The following PPP2R2B variants were observed in gnomAD, a reference collection of about 807,000 sequenced individuals.
PPP2R2B encodes the protein protein phosphatase 2 regulatory subunit Bbeta, also known as serine/threonine-protein phosphatase 2A 55 kDa regulatory subunit B beta isoform.
A neutral mutation model predicts 46.0 loss-of-function variants in PPP2R2B; 5 were observed. The ratio of observed to expected loss-of-function variants is 0.11; its 90% confidence interval spans 0.06 to 0.23. The LOEUF is 0.23. Ranked by LOEUF, PPP2R2B falls within the 10% of genes least tolerant of loss-of-function variation. The pLI, the probability that PPP2R2B is intolerant of heterozygous loss-of-function variation, is 1.00. For missense variants in PPP2R2B, 367 were observed against 575.0 expected (o/e 0.64, Z 3.70); for synonymous variants, 215 against 206.7 (o/e 1.04, Z -0.34).
intron 1 of PPP2R2B, among the ~76,000 whole-genome samples, chr5:147,014,801 G>T (rs1468354462): frequency 1.3e-5 from 2 of 151,862 alleles, no homozygotes. Context: ...GAGTTAGTGG[G>T]TGCAGTGCAC....
chr5:146,646,729 A>G lies in PPP2R2B; in HGVS notation c.625+3818T>C, dbSNP rs149865064. On this transcript the variant is annotated intron_variant, in intron 6 of 9. Transcript: ENST00000394411. ...CCAGATAATAAAATTAGCAGAATAA[A>G]AGCTACCATTCTAATGTTCAACTTT... is the stretch of plus-strand genomic sequence containing the variant. 6.3e-3 allele frequency among the ~76,000 whole-genome samples: 965 copies of G among 152,306 alleles called. 22 individuals carry two copies. The highest frequency in any genetic ancestry group is 0.041 in the Admixed American group (630 of 15,292).
At chr5:146,628,144 CT>C (rs1317001370) in intron 7 of PPP2R2B, among the ~76,000 whole-genome samples, 5 of 152,204 alleles carry the variant, frequency 3.3e-5, no homozygotes, top group African/African-American at 1.2e-4. Context: ...AGGGTTTCAC[CT>C]TGTTGGCCAG....
chr5:146,892,854 G>A (rs970364712), intron 1 of PPP2R2B, among the ~76,000 whole-genome samples: 2 of 152,256 alleles, frequency 1.3e-5, no homozygotes, highest in African/African-American at 2.4e-5. Context: ...ATTAATTTGT[G>A]CATATTTACA....
intron 1 of PPP2R2B, among the ~76,000 whole-genome samples, chr5:146,922,024 A>G (rs1308422167): frequency 6.6e-6 from 1 of 152,190 alleles, no homozygotes; most frequent in Non-Finnish European, 1.5e-5. Context: ...AGGCTGAGTG[A>G]CAGAACTGGG....
intron 5 of PPP2R2B, among the ~76,000 whole-genome samples, chr5:146,673,972 A>G (rs79595513): frequency 0.12 from 17,645 of 152,222 alleles, 1,288 homozygotes; most frequent in African/African-American, 0.2. Flanking sequence ...TGAGGTCAGT[A>G]TGTCTTAGGC....
rs7705014 is a variant in PPP2R2B at position 146,991,483 on chromosome 5, G to A, written c.79+64182C>T. On this transcript the variant is annotated intron_variant, in intron 1 of 8. Coordinates refer to the PPP2R2B transcript ENST00000336640. Reference sequence around the variant, plus strand: ...AATAGGTACAACATTACATTAGGCAGAAATAATAAGTTCTGGTCATATATT... The same window carrying A: ...AATAGGTACAACATTACATTAGGCAAAAATAATAAGTTCTGGTCATATATT... Among the ~76,000 whole-genome samples, 1,161 of 152,226 alleles carry A rather than the reference G, an allele frequency of 7.6e-3. 14 individuals carry two copies. The highest frequency in any genetic ancestry group is 0.024 in the African/African-American group (1,009 of 41,548).
At chr5:147,060,087 T>G (rs1757212805), upstream of PPP2R2B, among the ~76,000 whole-genome samples, 1 of 152,158 alleles carries the variant, frequency 6.6e-6, no homozygotes, top group Non-Finnish European at 1.5e-5. Flanking sequence ...CCTGCCCAGG[T>G]TTTTACTTTT....
upstream of PPP2R2B, chr5:146,878,761 G>GCTGC (rs1178906277): frequency 7.5e-7 from 1 of 1,328,214 alleles, no homozygotes; most frequent in Non-Finnish European, 9.9e-7. The surrounding 1 kb of genome is among the most constrained non-coding windows in gnomAD (Gnocchi z 4.5). Context: ...TGCTGCTGCA[G>GCTGC]GAGGCTGGAG....
intron 2 of PPP2R2B, among the ~76,000 whole-genome samples, chr5:146,766,135 T>G (rs1754463125): frequency 6.6e-6 from 1 of 152,206 alleles, no homozygotes; most frequent in South Asian, 2.1e-4. Flanking sequence ...TGTAATGTGC[T>G]CCTAGCTTAA....
chr5:146,645,801 G>A (rs1775542226), intron 6 of PPP2R2B, among the ~76,000 whole-genome samples: 3 of 152,142 alleles, frequency 2.0e-5, no homozygotes, highest in Non-Finnish European at 2.9e-5. Context: ...CTGGACTTCT[G>A]AAAGGTGAGG....
At chr5:146,992,887 C>T (rs2151862966) in intron 1 of PPP2R2B, among the ~76,000 whole-genome samples, 1 of 152,328 alleles carries the variant, frequency 6.6e-6, no homozygotes, top group South Asian at 2.1e-4. Context: ...GCTGTGGCAG[C>T]TCTGTATTCA....
chr5:146,745,852 G>A (rs1268198403), intron 2 of PPP2R2B, among the ~76,000 whole-genome samples: 1 of 152,118 alleles, frequency 6.6e-6, no homozygotes, highest in Non-Finnish European at 1.5e-5. Flanking sequence ...CAGCTACTTG[G>A]GAGGCTGAGG....
intron 5 of PPP2R2B, among the ~76,000 whole-genome samples, chr5:146,688,402 G>A (rs1778636793): frequency 6.6e-6 from 1 of 151,906 alleles, no homozygotes; most frequent in Non-Finnish European, 1.5e-5. Flanking sequence ...CAGCCACCAG[G>A]GTCAAGTGTT....
chr5:146,906,895 A>G (rs1373378195), intron 1 of PPP2R2B, among the ~76,000 whole-genome samples: 1 of 152,234 alleles, frequency 6.6e-6, no homozygotes, highest in Admixed American at 6.5e-5. Flanking sequence ...TGTCAATTGC[A>G]CTTTATGCAG....
chr5:146,807,848 G>C (rs962753868), intron 2 of PPP2R2B, among the ~76,000 whole-genome samples: 1 of 129,272 alleles, frequency 7.7e-6, no homozygotes, highest in Non-Finnish European at 1.6e-5. Context: ...TGCCCAGGCT[G>C]GAGTGCAATG....
chr5:146,797,594 G>T (rs528713831), intron 2 of PPP2R2B, among the ~76,000 whole-genome samples: 1 of 152,306 alleles, frequency 6.6e-6, no homozygotes, highest in East Asian at 1.9e-4. Flanking sequence ...TTGTAACCTC[G>T]TGCTTAAAGA....
At chr5:147,033,346 G>T (rs1241533154) in intron 1 of PPP2R2B, among the ~76,000 whole-genome samples, 1 of 152,148 alleles carries the variant, frequency 6.6e-6, no homozygotes, top group African/African-American at 2.4e-5. Context: ...TCCATGGAGG[G>T]ATGATACACA....
chr5:146,704,374 T>G (rs1246125620), intron 2 of PPP2R2B, among the ~76,000 whole-genome samples: 3 of 152,238 alleles, frequency 2.0e-5, no homozygotes, highest in Non-Finnish European at 4.4e-5. Flanking sequence ...GAAATCATGA[T>G]CCACAGAAAT....
intron 2 of PPP2R2B, among the ~76,000 whole-genome samples, chr5:146,721,114 G>A (rs1036649631): frequency 6.6e-6 from 1 of 152,310 alleles, no homozygotes; most frequent in East Asian, 1.9e-4. Context: ...GCCTGGCTAA[G>A]TTTTCTGAGA....
Sources: gnomAD v4.1 joint callset for allele counts (sites outside exome capture counted in the v4.1 genomes callset) on GRCh38, gnomAD v4.1.1 for gene constraint, Gnocchi (gnomAD v3.1) non-coding constraint, MANE v1.5 for transcripts, NCBI Gene and HGNC (gene_info 2026-07-23, HGNC 2026-07-21) for gene names.